The following RORA variants were observed in gnomAD, a reference collection of about 807,000 sequenced individuals.
RORA encodes RAR related orphan receptor A.
RORA carries 7 observed loss-of-function variants against 69.5 expected under a neutral mutation model. The observed-to-expected ratio is 0.10, with a 90% CI of 0.06 to 0.19. RORA has a LOEUF of 0.19. RORA is among the 10% of genes least tolerant of loss of function. The probability of loss-of-function intolerance (pLI) is 1.00; values close to 1 mark genes in which losing one functional copy is unlikely to be tolerated. For missense variants in RORA, 457 were observed against 663.0 expected (o/e 0.69, Z 3.41); for synonymous variants, 261 against 240.8 (o/e 1.08, Z -0.78).
intron 1 of RORA, among the ~76,000 whole-genome samples, chr15:60,840,194 G>T (rs865795868): frequency 3.9e-5 from 6 of 152,180 alleles, no homozygotes; most frequent in Non-Finnish European, 7.3e-5. Context: ...TGAGAACTAG[G>T]TTTCCTTTGA....
chr15:60,981,084 T>C (rs1410399894), intron 1 of RORA, among the ~76,000 whole-genome samples: 1 of 130,228 alleles, frequency 7.7e-6, no homozygotes, highest in Non-Finnish European at 1.6e-5. Flanking sequence ...AGATACAAAA[T>C]TCTTGGTTTA....
intron 1 of RORA, among the ~76,000 whole-genome samples, chr15:60,931,723 G>A (rs951881680): frequency 6.6e-6 from 1 of 152,208 alleles, no homozygotes; most frequent in African/African-American, 2.4e-5. Context: ...GCAAATGTAA[G>A]GGCAGGAAGA....
At position 60,511,537 on chromosome 15, in the gene RORA, C is replaced by CGCTGCT. The variant is rs775294989; in HGVS notation, c.503_508dup (p.Gln168_Gln169dup). The CGCTGCT allele has an allele frequency of 1.2e-6, 2 of 1,613,586 alleles. No individual in the cohort carries two copies. The highest frequency in any genetic ancestry group is 1.7e-6 in the Non-Finnish European group (2 of 1,179,644). ...CTCTCCAGGCTGCTGCTGGTGGTCG[C>CGCTGCT]GCTGCTGCTGCTGCATCCGGTGTTT... On this transcript the variant is annotated inframe_insertion, in exon 5 of 11. Transcript: ENST00000335670. The surrounding 1 kb of genome is among the most constrained non-coding windows in gnomAD (Gnocchi z 6.4).
chr15:60,533,037 C>G (rs572615544), intron 2 of RORA, among the ~76,000 whole-genome samples: 19 of 152,314 alleles, frequency 1.2e-4, no homozygotes, highest in African/African-American at 3.8e-4. Flanking sequence ...AATGTAATCC[C>G]ATATCCTGGG....
At chr15:60,691,590 G>C (rs1014304965) in intron 1 of RORA, among the ~76,000 whole-genome samples, 1 of 152,190 alleles carries the variant, frequency 6.6e-6, no homozygotes, top group Non-Finnish European at 1.5e-5. Context: ...TAACTGAGAA[G>C]GTCGGGGACA....
chr15:60,844,917 G>A (rs1032565945), intron 1 of RORA, among the ~76,000 whole-genome samples: 33 of 152,104 alleles, frequency 2.2e-4, no homozygotes, highest in Non-Finnish European at 4.1e-4. Flanking sequence ...ATAATGAAAC[G>A]GTTTGTGGCC....
intron 1 of RORA, among the ~76,000 whole-genome samples, chr15:60,854,697 AAGTC>A (rs1350553744): frequency 6.6e-6 from 1 of 152,200 alleles, no homozygotes; most frequent in Non-Finnish European, 1.5e-5. Context: ...TTATCCCTAA[AAGTC>A]ACTGGAATAT....
intron 1 of RORA, among the ~76,000 whole-genome samples, chr15:61,203,525 G>C (rs1023999296): frequency 1.3e-5 from 2 of 152,152 alleles, no homozygotes; most frequent in African/African-American, 2.4e-5. Flanking sequence ...CAAGGAAACT[G>C]CCTGAAACAT....
chr15:61,143,668 G>T (rs942073349), intron 1 of RORA, among the ~76,000 whole-genome samples: 26 of 152,162 alleles, frequency 1.7e-4, no homozygotes, highest in African/African-American at 6.0e-4. Flanking sequence ...TCAGATGTGG[G>T]AAAATGGTGG....
At chr15:61,087,664 C>T (rs1286671734) in intron 1 of RORA, among the ~76,000 whole-genome samples, 1 of 152,180 alleles carries the variant, frequency 6.6e-6, no homozygotes, top group Non-Finnish European at 1.5e-5. Context: ...AGATAAAATG[C>T]CATCTCAGAT....
chr15:60,575,189 A>C (rs16942775), intron 2 of RORA, among the ~76,000 whole-genome samples: 20,777 of 152,126 alleles, frequency 0.14, 1,593 homozygotes, highest in African/African-American at 0.2. Context: ...AGACAGTATT[A>C]AGTCTTAGAA....
chr15:60,650,209 GA>G (rs755752094), intron 2 of RORA, among the ~76,000 whole-genome samples: 84 of 142,440 alleles, frequency 5.9e-4, no homozygotes, highest in African/African-American at 1.1e-3. Context: ...AAGGCCTGAG[GA>G]AAAAAAAAAA....
At chr15:60,515,346 C>T (rs142044474) in intron 3 of RORA, among the ~76,000 whole-genome samples, 2 of 152,288 alleles carry the variant, frequency 1.3e-5, no homozygotes, top group East Asian at 3.9e-4. Context: ...TGGGAATATT[C>T]CCTCATCCCT....
chr15:60,685,160 C>G (rs952036409), intron 1 of RORA, among the ~76,000 whole-genome samples: 2 of 152,104 alleles, frequency 1.3e-5, no homozygotes, highest in Admixed American at 1.3e-4. Flanking sequence ...TGTTATTAAA[C>G]GGGATAATCC....
At position 60,716,518 on chromosome 15, in the gene RORA, G is replaced by A. The variant is rs1206853010; in HGVS notation, c.167-37832C>T. Among the ~76,000 whole-genome samples the A allele has an allele frequency of 5.3e-5, 8 of 152,256 alleles. 1 individual carries two copies. In the East Asian group the frequency reaches 1.2e-3, roughly 22 times the overall value. ...TAATATGGAGCTAAGATACTGTGGT[G>A]TGATCATATATATTGGTTTTCATCC... is the stretch of plus-strand genomic sequence containing the variant. On this transcript the variant is annotated intron_variant, in intron 1 of 10. Transcript: ENST00000335670.
intron 1 of RORA, among the ~76,000 whole-genome samples, chr15:60,862,614 T>G (rs1031132655): frequency 1.3e-5 from 2 of 152,030 alleles, no homozygotes; most frequent in African/African-American, 4.8e-5. Flanking sequence ...AGGAAAGAAA[T>G]GGAGAGTGGG....
intron 2 of RORA, among the ~76,000 whole-genome samples, chr15:60,544,586 C>T (rs946076317): frequency 2.6e-5 from 4 of 152,106 alleles, no homozygotes; most frequent in African/African-American, 7.2e-5. Flanking sequence ...GACAAGGCAA[C>T]ACCATGCTAA....
chr15:60,852,741 A>T (rs2140416045), intron 1 of RORA, among the ~76,000 whole-genome samples: 1 of 152,352 alleles, frequency 6.6e-6, no homozygotes, highest in Admixed American at 6.5e-5. Context: ...AGTCTGCAGC[A>T]AACAGTATCA....
At chr15:60,591,761 G>C (rs1341946057) in intron 2 of RORA, among the ~76,000 whole-genome samples, 3 of 152,126 alleles carry the variant, frequency 2.0e-5, no homozygotes, top group Non-Finnish European at 4.4e-5. Context: ...CGCCCGTCTC[G>C]CTCCGGCCCG....
Sources: allele counts gnomAD v4.1 joint callset (sites outside exome capture counted in the v4.1 genomes callset), GRCh38; gene constraint gnomAD v4.1.1; non-coding constraint Gnocchi (gnomAD v3.1); transcripts MANE v1.5; gene names NCBI Gene and HGNC (gene_info 2026-07-23, HGNC 2026-07-21).